The following SUPT3H variants were observed in gnomAD, a reference collection of about 807,000 sequenced individuals.
SUPT3H encodes the protein transcription initiation protein SPT3 homolog.
A neutral mutation model predicts 44.3 loss-of-function variants in SUPT3H; 44 were observed. That is an observed-to-expected ratio of 0.99 (90% CI 0.78 to 1.28). The LOEUF (loss-of-function observed/expected upper bound fraction) is 1.28, where lower values mean the gene tolerates loss of function less well. Among genes scored for constraint, SUPT3H ranks in the 50% most tolerant of loss-of-function variants. The pLI, the probability that SUPT3H is intolerant of heterozygous loss-of-function variation, is 0.00. For synonymous variants in SUPT3H, 124 were observed against 125.6 expected (o/e 0.99, Z 0.09); for missense variants, 380 against 387.1 (o/e 0.98, Z 0.15).
At chr6:45,171,241 C>T (rs1810717039) in intron 2 of SUPT3H, among the ~76,000 whole-genome samples, 1 of 152,008 alleles carries the variant, frequency 6.6e-6, no homozygotes, top group African/African-American at 2.4e-5. Context: ...GATCTCAGGG[C>T]ACTAATTTAT....
At chr6:45,093,201 C>G (rs7768521) in intron 3 of SUPT3H, among the ~76,000 whole-genome samples, 88,751 of 151,862 alleles carry the variant, frequency 0.58, 26,696 homozygotes, top group African/African-American at 0.73. Flanking sequence ...ATACTGAGAT[C>G]TGATAAATAA....
chr6:45,164,785 T>TA (rs1809582369), intron 2 of SUPT3H, among the ~76,000 whole-genome samples: 1 of 152,148 alleles, frequency 6.6e-6, no homozygotes, highest in Non-Finnish European at 1.5e-5. Context: ...TTTCATATTT[T>TA]AAAAAGTATA....
At chr6:45,329,046 G>C (rs1786931980) in intron 2 of SUPT3H, among the ~76,000 whole-genome samples, 1 of 151,852 alleles carries the variant, frequency 6.6e-6, no homozygotes, top group African/African-American at 2.4e-5. Context: ...TAGAGTTATA[G>C]AGGTGAGGAT....
At chr6:45,021,169 T>C (rs1016688135) in intron 3 of SUPT3H, among the ~76,000 whole-genome samples, 3 of 151,930 alleles carry the variant, frequency 2.0e-5, no homozygotes. Context: ...ATCATAATAC[T>C]GGACTGCATT....
At chr6:44,863,412 C>T (rs1485388296) in intron 10 of SUPT3H, among the ~76,000 whole-genome samples, 1 of 152,160 alleles carries the variant, frequency 6.6e-6, no homozygotes, top group African/African-American at 2.4e-5. Context: ...GGTGGTGTTC[C>T]TATTTCATGT....
chr6:44,890,664 C>T (rs187007273), intron 10 of SUPT3H, among the ~76,000 whole-genome samples: 2 of 147,396 alleles, frequency 1.4e-5, no homozygotes, highest in South Asian at 2.2e-4. Context: ...TGCTAAATGA[C>T]GAGTTAATGG....
chr6:45,120,808 C>T (rs1010823586), intron 2 of SUPT3H, among the ~76,000 whole-genome samples: 1 of 152,064 alleles, frequency 6.6e-6, no homozygotes, highest in Non-Finnish European at 1.5e-5. Flanking sequence ...TGGGGAACTC[C>T]ATAGTGTCTT....
rs560238330 is a variant in SUPT3H at position 45,365,131 on chromosome 6, T to C, written c.101+70A>G. 1.0e-5 allele frequency: 9 copies of C among 886,758 alleles called. No homozygotes were observed. In the East Asian group the frequency reaches 2.3e-4, roughly 23 times the overall value. 54.9% of individuals were successfully genotyped at this position (886,758 alleles called of 1,614,324 possible). A position where few individuals can be genotyped will look rare whatever the true frequency, so the allele number is the denominator to read the frequency against. Reference sequence around the variant, plus strand: ...CCAAGTTAAGTTTTATAAATGTTGTTATGTCTATTGTCTTTCAACATGAAT... The same window carrying C: ...CCAAGTTAAGTTTTATAAATGTTGTCATGTCTATTGTCTTTCAACATGAAT... On this transcript the variant is annotated intron_variant, in intron 2 of 10. Transcript: ENST00000371459.
chr6:45,070,245 A>G (rs1794164591), intron 3 of SUPT3H, among the ~76,000 whole-genome samples: 1 of 152,176 alleles, frequency 6.6e-6, no homozygotes. Context: ...TATCGAAAAA[A>G]TATTCACTAT....
Position 44,983,133 on chromosome 6 carries a change from G to C in SUPT3H, c.504+20520C>G, listed in dbSNP as rs550637795. 5.3e-5 allele frequency among the ~76,000 whole-genome samples: 8 copies of C among 152,254 alleles called. No homozygotes were observed. The East Asian group carries it at 1.5e-3, about 29-fold the overall frequency. ...AAAATAAGTGTAAAAAATTCTAAAT[G>C]GATGTTTGAGTCACATAAGCATAGA... is the stretch of plus-strand genomic sequence containing the variant. On this transcript the variant is annotated intron_variant, in intron 6 of 10. Coordinates refer to ENST00000371459, the MANE Select transcript of SUPT3H (RefSeq NM_003599.4).
intron 10 of SUPT3H, among the ~76,000 whole-genome samples, chr6:44,925,091 A>AT (rs1769321819): frequency 1.3e-5 from 2 of 152,184 alleles, no homozygotes; most frequent in South Asian, 4.1e-4. Flanking sequence ...AAAATTTTTC[A>AT]TATTTTCGAT....
At chr6:45,193,277 T>G (rs1057176476) in intron 2 of SUPT3H, among the ~76,000 whole-genome samples, 8 of 152,178 alleles carry the variant, frequency 5.3e-5, no homozygotes, top group Admixed American at 4.6e-4. Context: ...TAAAATCTAC[T>G]ATTTATAAAT....
chr6:45,254,449 A>G (rs1489147830), intron 2 of SUPT3H, among the ~76,000 whole-genome samples: 1 of 152,238 alleles, frequency 6.6e-6, no homozygotes, highest in Non-Finnish European at 1.5e-5. Flanking sequence ...AGTGTTAATC[A>G]GTAATGAGAT....
chr6:45,244,537 T>G (rs1019296830), intron 2 of SUPT3H, among the ~76,000 whole-genome samples: 12 of 152,164 alleles, frequency 7.9e-5, no homozygotes, highest in Non-Finnish European at 1.2e-4. Flanking sequence ...CCCCACTACC[T>G]TTTCCTGAAA....
At chr6:44,811,109 A>G (rs1766489399) in intron 11 of SUPT3H, among the ~76,000 whole-genome samples, 2 of 152,130 alleles carry the variant, frequency 1.3e-5, no homozygotes, top group East Asian at 1.9e-4. Context: ...GTTTTTATCC[A>G]TTGTCCCGTT....
intron 2 of SUPT3H, among the ~76,000 whole-genome samples, chr6:45,242,030 A>G (rs1408815075): frequency 6.6e-6 from 1 of 152,230 alleles, no homozygotes; most frequent in East Asian, 1.9e-4. Flanking sequence ...ACAGTATTCT[A>G]AATAACATTC....
chr6:44,878,626 T>A (rs995310148), intron 10 of SUPT3H, among the ~76,000 whole-genome samples: 4 of 152,128 alleles, frequency 2.6e-5, no homozygotes, highest in Non-Finnish European at 5.9e-5. Flanking sequence ...CTCTCGGGTG[T>A]GGATGGCAAG....
At chr6:45,181,666 T>C (rs1231019920) in intron 2 of SUPT3H, among the ~76,000 whole-genome samples, 1 of 131,864 alleles carries the variant, frequency 7.6e-6, no homozygotes, top group Non-Finnish European at 1.5e-5. Flanking sequence ...AATTGAACAA[T>C]GAGAACACAT....
chr6:44,945,192 TAA>T (rs1230147731), intron 9 of SUPT3H, among the ~76,000 whole-genome samples: 5 of 152,326 alleles, frequency 3.3e-5, no homozygotes, highest in Non-Finnish European at 5.9e-5. Flanking sequence ...GCAAATTTAA[TAA>T]AAGTGTTTGT....
Sources: allele counts gnomAD v4.1 joint callset (sites outside exome capture counted in the v4.1 genomes callset), GRCh38; gene constraint gnomAD v4.1.1; transcripts MANE v1.5; gene names NCBI Gene and HGNC (gene_info 2026-07-23, HGNC 2026-07-21).